Variants in SLC35F1 observed in about 807,000 individuals in gnomAD.
The protein encoded by SLC35F1 is solute carrier family 35 member F1, also known as chromosome 6 open reading frame 169.
In SLC35F1, 14 loss-of-function variants were observed where a neutral mutation model predicts 48.7. The ratio of observed to expected loss-of-function variants is 0.29; its 90% CI spans 0.19 to 0.45. The LOEUF (loss-of-function observed/expected upper bound fraction) is 0.45, where lower values mean the gene tolerates loss of function less well. Among genes scored for constraint, SLC35F1 ranks in the 20% least tolerant of loss-of-function variants. The pLI is 1.00. For synonymous variants in SLC35F1, 190 were observed against 202.2 expected (o/e 0.94, Z 0.51); for missense variants, 404 against 500.0 (o/e 0.81, Z 1.83).
chr6:118,135,327 A>G (rs1378398760), intron 1 of SLC35F1, among the ~76,000 whole-genome samples: 1 of 152,222 alleles, frequency 6.6e-6, no homozygotes, highest in African/African-American at 2.4e-5. Context: ...ACTCTTAGTC[A>G]ATCATAACAT....
chr6:118,256,657 C>G (rs750309607), intron 3 of SLC35F1, among the ~76,000 whole-genome samples: 2 of 152,100 alleles, frequency 1.3e-5, no homozygotes, highest in Non-Finnish European at 2.9e-5. Context: ...CATCAGCTTC[C>G]CTTGAAAACA....
intron 1 of SLC35F1, among the ~76,000 whole-genome samples, chr6:117,922,978 C>T (rs969410838): frequency 6.6e-6 from 1 of 152,116 alleles, no homozygotes. Flanking sequence ...TCTTTGCTAT[C>T]TTTAAAATAT....
Position 118,199,162 on chromosome 6 carries a change from A to G in SLC35F1, c.350-36347A>G, listed in dbSNP as rs570626231. Among the ~76,000 whole-genome samples, 6 of 152,318 alleles carry G rather than the reference A, an allele frequency of 3.9e-5. No homozygotes were observed. In the East Asian group the frequency reaches 1.2e-3, roughly 29 times the overall value. ...TGTAGGACATCCTGTTCTAGGAAGG[A>G]TGAGGAGAAGACCTGGGCTATTCAA... On this transcript the variant is annotated intron_variant, in intron 2 of 7. Transcript: ENST00000360388.
At chr6:118,045,432 A>G (rs944979640) in intron 1 of SLC35F1, among the ~76,000 whole-genome samples, 1 of 152,176 alleles carries the variant, frequency 6.6e-6, no homozygotes, top group African/African-American at 2.4e-5. Flanking sequence ...GCTTATAGGA[A>G]GCTCTTGATA....
At chr6:118,149,135 T>C (rs1774018426) in intron 1 of SLC35F1, among the ~76,000 whole-genome samples, 2 of 152,156 alleles carry the variant, frequency 1.3e-5, no homozygotes, top group African/African-American at 2.4e-5. Context: ...CTACACAATA[T>C]GGTGAGTGCC....
chr6:118,267,269 A>C, intron 4 of SLC35F1, 115 bp downstream of exon 4: 2 of 1,213,360 alleles, frequency 1.6e-6, no homozygotes, highest in Middle Eastern at 2.8e-4. Flanking sequence ...ATTTCCCACT[A>C]TCTGTGTCCT....
intron 1 of SLC35F1, among the ~76,000 whole-genome samples, chr6:117,950,279 A>G (rs967478924): frequency 2.0e-5 from 3 of 152,166 alleles, no homozygotes; most frequent in African/African-American, 7.2e-5. Flanking sequence ...CATTTATTGT[A>G]GACTCTACTG....
intron 1 of SLC35F1, among the ~76,000 whole-genome samples, chr6:117,963,981 C>T (rs1377124731): frequency 6.6e-6 from 1 of 152,264 alleles, no homozygotes; most frequent in East Asian, 1.9e-4. Flanking sequence ...CCTCTGTACC[C>T]CTGACAGGTT....
chr6:117,944,787 G>C (rs1776274601), intron 1 of SLC35F1, among the ~76,000 whole-genome samples: 1 of 152,304 alleles, frequency 6.6e-6, no homozygotes, highest in East Asian at 1.9e-4. Context: ...GGAGTAATTT[G>C]TAAGCAGTTT....
chr6:117,986,043 G>C (rs1439392231), intron 1 of SLC35F1, among the ~76,000 whole-genome samples: 4 of 152,210 alleles, frequency 2.6e-5, no homozygotes, highest in Non-Finnish European at 5.9e-5. Flanking sequence ...TTCTCACTCT[G>C]TCAGGCCAGA....
chr6:118,176,055 T>G (rs564094922), intron 2 of SLC35F1, among the ~76,000 whole-genome samples: 3 of 152,232 alleles, frequency 2.0e-5, no homozygotes, highest in East Asian at 1.9e-4. Flanking sequence ...ATCTCATTTT[T>G]GGGGAGCTCT....
intron 1 of SLC35F1, among the ~76,000 whole-genome samples, chr6:118,017,932 G>A (rs761275486): frequency 5.9e-5 from 9 of 152,172 alleles, no homozygotes; most frequent in Non-Finnish European, 1.2e-4. Context: ...TTCATATGGT[G>A]CCTCATAAGT....
chr6:118,285,304 G>T lies in SLC35F1; in HGVS notation c.968G>T (p.Ser323Ile), dbSNP rs1178370355. The change falls in exon 7 of 8, where the codon AGC becomes ATC. Residue 323 changes from serine to isoleucine, a missense_variant. Physicochemically the swap from Ser to Ile is moderately radical, Grantham distance 142. This residue lies in a region of SLC35F1 where 306 missense variants were observed against 419.1 expected (regional missense o/e 0.73). Coordinates refer to ENST00000360388, the MANE Select transcript of SLC35F1 (RefSeq NM_001029858.4). ...NLSLLTADLY[S>I]LFCGLFLFHY... ...TCCTTGCTCACAGCAGACTTGTACA[G>T]CCTGTTCTGTGGATTGTTTCTCTTC... 6.2e-7 allele frequency: 1 copy of T among 1,613,984 alleles called. No homozygotes were observed. The highest frequency in any genetic ancestry group is 8.5e-7 in the Non-Finnish European group (1 of 1,179,880).
chr6:118,153,594 G>T (rs1386892466), intron 1 of SLC35F1, among the ~76,000 whole-genome samples: 1 of 152,140 alleles, frequency 6.6e-6, no homozygotes, highest in East Asian at 1.9e-4. Context: ...AAGCATGTGG[G>T]TGTATGTGAC....
At chr6:118,286,778 T>A (rs1038814282) in intron 7 of SLC35F1, among the ~76,000 whole-genome samples, 21 of 119,038 alleles carry the variant, frequency 1.8e-4, no homozygotes, top group Non-Finnish European at 2.7e-4. Context: ...CTTTTTTCTG[T>A]GTGTGTGTGT....
rs1028814717 is a variant in SLC35F1 at position 118,294,749 on chromosome 6, C to T, written c.1002+9411C>T. On this transcript the variant is annotated intron_variant, in intron 7 of 7. Coordinates refer to ENST00000360388, the MANE Select transcript of SLC35F1 (RefSeq NM_001029858.4). ...ACAGACCATCCTGTTTGAAGAATATCTTAGGAAGATATGGGCTCCATAAAA... is the reference window on the plus strand; with the variant it reads ...ACAGACCATCCTGTTTGAAGAATATTTTAGGAAGATATGGGCTCCATAAAA... Among the ~76,000 whole-genome samples, 22 of 152,026 alleles carry T rather than the reference C, an allele frequency of 1.4e-4. No homozygotes were observed. In the East Asian group the frequency reaches 4.3e-3, roughly 29 times the overall value.
intron 1 of SLC35F1, among the ~76,000 whole-genome samples, chr6:118,091,530 G>A (rs1330867572): frequency 6.6e-6 from 1 of 152,220 alleles, no homozygotes; most frequent in African/African-American, 2.4e-5. Context: ...GGCCTCCTCA[G>A]TTATGTGGAA....
rs575931384 is a variant in SLC35F1, at chr6:118,048,930, A to G, written c.174-105515A>G. On this transcript the variant is annotated intron_variant, in intron 1 of 7. Transcript: ENST00000360388. ...AGTCAATCCTAAGCCAAAAGAACAA[A>G]GCTGGAGGCCTCACGCTACCTGACT... Among the ~76,000 whole-genome samples the G allele has an allele frequency of 6.6e-5, 10 of 152,314 alleles. No individual in the cohort carries two copies. The South Asian group carries it at 2.1e-3, about 32-fold the overall frequency.
rs1262952906 is a variant in SLC35F1 at position 117,966,006 on chromosome 6, A to ACCAATCAGCACTCTGTAAAGCAGG, written c.173+58127_173+58150dup. On this transcript the variant is annotated intron_variant, in intron 1 of 7. Transcript: ENST00000360388. Reference sequence around the variant, plus strand: ...ACCAGTCAGCACTCTGTCAAAATGGACCAATCAGCACTCTGTAAAGCAGGC... The same window carrying ACCAATCAGCACTCTGTAAAGCAGG: ...ACCAGTCAGCACTCTGTCAAAATGGACCAATCAGCACTCTGTAAAGCAGGCCAATCAGCACTCTGTAAAGCAGGC... Among the ~76,000 whole-genome samples the ACCAATCAGCACTCTGTAAAGCAGG allele has an allele frequency of 3.7e-3, 508 of 137,056 alleles. 7 individuals are homozygous for ACCAATCAGCACTCTGTAAAGCAGG. The highest frequency in any genetic ancestry group is 3.0e-3 in the Non-Finnish European group (179 of 60,172). 89.9% of individuals were successfully genotyped at this position (137,056 alleles called of 152,430 possible).
Sources: allele counts gnomAD v4.1 joint callset (sites outside exome capture counted in the v4.1 genomes callset), GRCh38; gene constraint gnomAD v4.1.1; regional missense constraint gnomAD v4.1.1; transcripts MANE v1.5; gene names NCBI Gene and HGNC (gene_info 2026-07-23, HGNC 2026-07-21).